RNPC3: variants seen among roughly 807,000 people sequenced by gnomAD.
RNPC3 encodes the protein RNA binding region (RNP1, RRM) containing 3, also known as RNA-binding region-containing protein 3.
In RNPC3, 48 loss-of-function variants were observed where a neutral mutation model predicts 67.5. The ratio of observed to expected loss-of-function variants is 0.71; its 90% CI spans 0.56 to 0.90. The LOEUF (loss-of-function observed/expected upper bound fraction) is 0.90. Among genes scored for constraint, RNPC3 ranks in the 40% least tolerant of loss-of-function variants. The probability of loss-of-function intolerance (pLI) is 0.00; values close to 1 mark genes in which losing one functional copy is unlikely to be tolerated. For synonymous variants in RNPC3, 239 were observed against 210.3 expected (o/e 1.14, Z -1.18); for missense variants, 637 against 626.1 (o/e 1.02, Z -0.19).
intron 3 of RNPC3, among the ~76,000 whole-genome samples, chr1:103,534,254 C>T (rs1650931699): frequency 6.6e-6 from 1 of 151,946 alleles, no homozygotes; most frequent in Non-Finnish European, 1.5e-5. Flanking sequence ...ACTAGTGGTT[C>T]TCAAAGTGTG....
intron 7 of RNPC3, among the ~76,000 whole-genome samples, chr1:103,538,134 G>A (rs530929565): frequency 2.6e-5 from 4 of 152,226 alleles, no homozygotes; most frequent in African/African-American, 7.2e-5. Context: ...CATTAGCCAC[G>A]TGCCTGGCCT....
Position 103,536,189 on chromosome 1 carries a change from C to A in RNPC3, c.619C>A (p.Pro207Thr). The change falls in exon 6 of 15, where the codon CCC (proline) becomes ACC (threonine). Residue 207 changes from proline (P) to threonine (T), a missense_variant. Pro to Thr is a conservative substitution (Grantham distance 38, BLOSUM62 -1). Around this residue, in one of 3 missense-constraint regions of RNPC3, gnomAD observed 536 missense variants for 500.3 expected, o/e 1.07. Transcript: ENST00000423855. ...TPFGPITARPPMYEDYMPLHA... is the reference protein window; with the variant it reads ...TPFGPITARPTMYEDYMPLHA... ...TTTTGGACCAATTACTGCGCGACCT[C>A]CCATGGTAAGAAAACTCTTAGAATT... 3.9e-6 allele frequency: 6 copies of A among 1,534,708 alleles called. No individual in the cohort carries two copies. Among genetic ancestry groups the A allele is most frequent in the Non-Finnish European group, 5.2e-6 (6 of 1,144,866 alleles).
intron 7 of RNPC3, among the ~76,000 whole-genome samples, chr1:103,540,375 C>T (rs1478628468): frequency 6.6e-6 from 1 of 152,168 alleles, no homozygotes; most frequent in Non-Finnish European, 1.5e-5. Flanking sequence ...TGGTTCCAGC[C>T]ATTTTGGATA....
At position 103,529,899 on chromosome 1, in the gene RNPC3, G is replaced by T. The variant is rs1253451019; in HGVS notation, c.240+2157G>T. Among the ~76,000 whole-genome samples the T allele has an allele frequency of 3.3e-5, 5 of 152,124 alleles. No homozygotes were observed. In the South Asian group the frequency reaches 6.2e-4, roughly 19 times the overall value. ...CTTTATCTCTATTCAGGGCGACTCCGCCTGGCTGCCTGAGCTCCACCTCCA... is the reference window on the plus strand; with the variant it reads ...CTTTATCTCTATTCAGGGCGACTCCTCCTGGCTGCCTGAGCTCCACCTCCA... On this transcript the variant is annotated intron_variant, in intron 2 of 14. Coordinates refer to ENST00000423855, the MANE Select transcript of RNPC3 (RefSeq NM_017619.4).
At chr1:103,533,676 G>A in intron 2 of RNPC3, 63 bp from the exon 3 acceptor site, 1 of 797,632 alleles carries the variant, frequency 1.3e-6, no homozygotes, top group Non-Finnish European at 2.0e-6. Flanking sequence ...TATAAAAATT[G>A]GTCTCTAACG....
chr1:103,529,008 C>CT (rs1464602776), intron 2 of RNPC3, among the ~76,000 whole-genome samples: 2 of 152,118 alleles, frequency 1.3e-5, no homozygotes, highest in African/African-American at 4.8e-5. Context: ...CTGCAACTGT[C>CT]TGAGAATGAT....
In RNPC3 at chr1:103,552,234, T is replaced by A. The variant is rs78650356; in HGVS notation, c.*12+442T>A. On this transcript the variant is annotated intron_variant, in intron 14 of 14. Coordinates refer to ENST00000423855, the MANE Select transcript of RNPC3 (RefSeq NM_017619.4). ...GAGGGGATTTCCAGGATGCTGGACA[T>A]TTAGTGCTGAAATGGGGAATGTGTC... 6.4e-4 allele frequency: 97 copies of A among 152,442 alleles called. 3 individuals are homozygous for A. The East Asian group carries it at 0.018, about 28-fold the overall frequency. 9.4% of individuals were successfully genotyped at this position (152,442 alleles called of 1,614,324 possible). A position where few individuals can be genotyped will look rare whatever the true frequency, so the allele number is the denominator to read the frequency against.
At position 103,541,495 on chromosome 1, in the gene RNPC3, G is replaced by T; in HGVS notation, c.893+20G>T. On this transcript the variant is annotated intron_variant, in intron 8 of 14. Transcript: ENST00000423855. ...ACACAGGTAATTTTATTTGAACTAA[G>T]AAATGAGGGTTGTCTGTATGTACTT... The T allele has an allele frequency of 6.8e-7, 1 of 1,474,844 alleles. No individual in the cohort carries two copies. Among genetic ancestry groups the T allele is most frequent in the African/African-American group, 1.5e-5 (1 of 68,166 alleles). The allele number at this position is 1,474,844 out of a possible 1,614,324, so 91.4% of individuals were successfully genotyped here.
At chr1:103,545,221 C>T (rs1651215283) in intron 10 of RNPC3, 119 bp downstream of exon 10, 2 of 739,394 alleles carry the variant, frequency 2.7e-6, no homozygotes, top group South Asian at 2.0e-5. Flanking sequence ...TAAAACATCT[C>T]TCCAATTAAT....
At position 103,525,902 on chromosome 1, in the gene RNPC3, C is replaced by G. The variant is rs1225239998; in HGVS notation, c.-169C>G. On this transcript the variant is annotated 5_prime_UTR_variant, in exon 1 of 15. Transcript: ENST00000423855. ...CCGAAGAGTCTTCGAAGGGTTGCCG[C>G]TTTTCGGTGGCGCAGTTCTCGCGAG... is the stretch of plus-strand genomic sequence containing the variant. 1 of 609,696 alleles carries G rather than the reference C, an allele frequency of 1.6e-6. No individual in the cohort carries two copies. The highest frequency in any genetic ancestry group is 2.8e-6 in the Non-Finnish European group (1 of 351,536). 37.8% of individuals were successfully genotyped at this position (609,696 alleles called of 1,614,324 possible).
At chr1:103,530,928 T>A (rs927302271) in intron 2 of RNPC3, among the ~76,000 whole-genome samples, 13 of 152,176 alleles carry the variant, frequency 8.5e-5, no homozygotes, top group African/African-American at 1.4e-4. Context: ...TTCTGAGATT[T>A]TGATGTACCT....
chr1:103,529,880 C>G (rs1283958504), intron 2 of RNPC3, among the ~76,000 whole-genome samples: 1 of 152,180 alleles, frequency 6.6e-6, no homozygotes, highest in Non-Finnish European at 1.5e-5. Flanking sequence ...GAAGCTTTAT[C>G]TCTATTCAGG....
intron 11 of RNPC3, 183 bp from the exon 12 acceptor site, chr1:103,546,794 T>C (rs1651254319): frequency 6.2e-6 from 3 of 483,546 alleles, no homozygotes; most frequent in Non-Finnish European, 1.1e-5. Context: ...CCTTTGTACA[T>C]AGCATACTCC....
At chr1:103,547,720 A>C (rs1293350501) in intron 12 of RNPC3, among the ~76,000 whole-genome samples, 1 of 152,224 alleles carries the variant, frequency 6.6e-6, no homozygotes. Flanking sequence ...TTGTAAAAGC[A>C]AAAGAGAGGG....
chr1:103,541,356 CA>C lies in RNPC3; in HGVS notation c.777del (p.Lys259AsnfsTer2). The C allele has an allele frequency of 6.6e-7, 1 of 1,504,498 alleles. No individual in the cohort carries two copies. The highest frequency in any genetic ancestry group is 8.8e-7 in the Non-Finnish European group (1 of 1,135,144). 93.2% of individuals were successfully genotyped at this position (1,504,498 alleles called of 1,614,324 possible). A position where few individuals can be genotyped will look rare whatever the true frequency, so the allele number is the denominator to read the frequency against. ...ATCCCTCTCCTCATTGTAGAATGAA[CA>C]AATTAATGGAACTAGCAAATCTTCA... ...TDDEDRQRMN[K>X]LMELANLQPK... is the part of the protein sequence containing the mutation. On this transcript the variant is annotated frameshift_variant, in exon 8 of 15. Coordinates refer to ENST00000423855, the MANE Select transcript of RNPC3 (RefSeq NM_017619.4). LOFTEE classifies it high-confidence loss of function.
At chr1:103,549,023 A>G (rs1379695945) in intron 12 of RNPC3, among the ~76,000 whole-genome samples, 2 of 152,130 alleles carry the variant, frequency 1.3e-5, no homozygotes, top group Non-Finnish European at 2.9e-5. Flanking sequence ...GAACACAGGA[A>G]AGACCCACCC....
intron 2 of RNPC3, among the ~76,000 whole-genome samples, chr1:103,531,241 C>T (rs1469784473): frequency 2.6e-5 from 4 of 152,078 alleles, no homozygotes; most frequent in African/African-American, 9.7e-5. Flanking sequence ...TCTTTATCCA[C>T]TCATTGATTG....
chr1:103,551,687 A>C, intron 13 of RNPC3, 34 bp from the exon 14 acceptor site: 1 of 1,357,844 alleles, frequency 7.4e-7, no homozygotes. Flanking sequence ...TTACTTGCAT[A>C]TTCATGAAGG....
At chr1:103,528,634 T>C (rs1229054833) in intron 2 of RNPC3, among the ~76,000 whole-genome samples, 1 of 152,174 alleles carries the variant, frequency 6.6e-6, no homozygotes, top group Admixed American at 6.5e-5. Context: ...AATTCACTTG[T>C]CATCTGTTAA....
Sources: gnomAD v4.1 joint callset for allele counts (sites outside exome capture counted in the v4.1 genomes callset) on GRCh38, gnomAD v4.1.1 for gene constraint, gnomAD v4.1.1 regional missense constraint, MANE v1.5 for transcripts, NCBI Gene and HGNC (gene_info 2026-07-23, HGNC 2026-07-21) for gene names.